The following ADK variants were observed in gnomAD, a reference collection of about 807,000 sequenced individuals.
ADK encodes the protein N6,N6-dimethyladenosine kinase.
In ADK, 24 loss-of-function variants were observed where a neutral mutation model predicts 44.7. The observed-to-expected ratio is 0.54, with a 90% CI of 0.39 to 0.76. ADK has a LOEUF of 0.76. Ranked by LOEUF, ADK falls within the 30% of genes least tolerant of loss-of-function variation. ADK has a pLI of 0.00. For missense variants in ADK, 321 were observed against 425.1 expected (o/e 0.76, Z 2.15); for synonymous variants, 128 against 142.6 (o/e 0.90, Z 0.73).
chr10:74,658,911 C>CAT (rs1261522790), intron 9 of ADK, among the ~76,000 whole-genome samples: 14 of 151,976 alleles, frequency 9.2e-5, no homozygotes, highest in Admixed American at 3.9e-4. Context: ...TATACACGTG[C>CAT]ATATATATAT....
chr10:74,355,489 C>T (rs1272723079), intron 4 of ADK, among the ~76,000 whole-genome samples: 1 of 151,898 alleles, frequency 6.6e-6, no homozygotes. Flanking sequence ...CGTTATAAGC[C>T]CTTTTGGGAT....
At chr10:74,489,137 T>C (rs1032554846) in intron 6 of ADK, among the ~76,000 whole-genome samples, 2 of 151,962 alleles carry the variant, frequency 1.3e-5, no homozygotes, top group African/African-American at 4.8e-5. Context: ...GTAGTGAAGA[T>C]GTTTTACTCA....
At chr10:74,195,803 A>G (rs535008255) in intron 1 of ADK, among the ~76,000 whole-genome samples, 7 of 137,256 alleles carry the variant, frequency 5.1e-5, no homozygotes, top group African/African-American at 1.9e-4. Flanking sequence ...CAGCTTCCCT[A>G]GTAACTGGGG....
chr10:74,476,906 G>A (rs976972614), intron 6 of ADK, among the ~76,000 whole-genome samples: 1 of 152,054 alleles, frequency 6.6e-6, no homozygotes, highest in African/African-American at 2.4e-5. Flanking sequence ...TAGACTAGTG[G>A]TTCTGGCTTT....
At chr10:74,426,795 A>G (rs570844703) in intron 6 of ADK, among the ~76,000 whole-genome samples, 1 of 151,786 alleles carries the variant, frequency 6.6e-6, no homozygotes, top group South Asian at 2.1e-4. Context: ...TTTTTTTCTT[A>G]TTTTTTTATT....
chr10:74,204,146 AG>A (rs1843505879), intron 2 of ADK, among the ~76,000 whole-genome samples: 3 of 151,780 alleles, frequency 2.0e-5, no homozygotes, highest in Admixed American at 1.3e-4. Context: ...TAGTAGAGAC[AG>A]GGTTTCACCA....
intron 2 of ADK, among the ~76,000 whole-genome samples, 193 bp downstream of exon 2, chr10:74,201,031 T>C (rs1309606640): frequency 6.6e-6 from 1 of 152,240 alleles, no homozygotes; most frequent in South Asian, 2.1e-4. Flanking sequence ...GGAAAACTTA[T>C]ATACATTGCT....
intron 2 of ADK, among the ~76,000 whole-genome samples, chr10:74,221,500 CA>C (rs1311228119): frequency 1.3e-5 from 2 of 152,060 alleles, no homozygotes; most frequent in Non-Finnish European, 2.9e-5. Flanking sequence ...TGAGTTTCTT[CA>C]CAGAATTGGA....
intron 9 of ADK, among the ~76,000 whole-genome samples, chr10:74,653,896 T>TA (rs921204279): frequency 1.1e-4 from 17 of 152,134 alleles, no homozygotes; most frequent in Non-Finnish European, 1.9e-4. Flanking sequence ...TATGCACTGT[T>TA]AAAAAAAATA....
chr10:74,457,459 G>A (rs1845996177), intron 6 of ADK, among the ~76,000 whole-genome samples: 1 of 152,226 alleles, frequency 6.6e-6, no homozygotes, highest in South Asian at 2.1e-4. Context: ...AAGACAGTGT[G>A]GCGATTCCTC....
intron 3 of ADK, among the ~76,000 whole-genome samples, chr10:74,294,006 C>G (rs1047787429): frequency 2.0e-5 from 3 of 152,216 alleles, no homozygotes; most frequent in Admixed American, 6.5e-5. Context: ...CTGTTTTAAA[C>G]TTTAAATATA....
At chr10:74,205,356 G>A (rs1843554370) in intron 2 of ADK, among the ~76,000 whole-genome samples, 1 of 152,050 alleles carries the variant, frequency 6.6e-6, no homozygotes, top group Admixed American at 6.6e-5. Flanking sequence ...AGTGTACCAG[G>A]AATGTAGAGC....
intron 3 of ADK, among the ~76,000 whole-genome samples, chr10:74,303,244 C>T (rs1840120956): frequency 6.6e-6 from 1 of 152,134 alleles, no homozygotes; most frequent in Non-Finnish European, 1.5e-5. Context: ...AAAACATACT[C>T]TTGTGCTTAT....
At chr10:74,699,324 G>GT (rs546893651) in intron 10 of ADK, among the ~76,000 whole-genome samples, 342 of 146,688 alleles carry the variant, frequency 2.3e-3, no homozygotes, top group African/African-American at 6.8e-3. Flanking sequence ...GTTATTGTTG[G>GT]TTTTTTTTTT....
intron 4 of ADK, among the ~76,000 whole-genome samples, chr10:74,315,066 A>G (rs1840569958): frequency 6.6e-6 from 1 of 151,984 alleles, no homozygotes; most frequent in African/African-American, 2.4e-5. Context: ...TTTTTATTTT[A>G]TAAGTTGAAA....
chr10:74,266,050 T>C (rs1846200792), intron 3 of ADK, among the ~76,000 whole-genome samples: 1 of 151,948 alleles, frequency 6.6e-6, no homozygotes. Context: ...AAGGATGATG[T>C]GTTGATGTGT....
intron 4 of ADK, among the ~76,000 whole-genome samples, chr10:74,354,048 T>C (rs1842055673): frequency 6.6e-6 from 1 of 152,146 alleles, no homozygotes. Flanking sequence ...TAAAACAGCA[T>C]TTAAAAACAA....
At chr10:74,159,924 A>T (rs1841845492) in intron 1 of ADK, among the ~76,000 whole-genome samples, 1 of 152,144 alleles carries the variant, frequency 6.6e-6, no homozygotes, top group African/African-American at 2.4e-5. Context: ...TCAATCTAGG[A>T]GTTCACCGCT....
chr10:74,385,458 C>T (rs1221318933), intron 4 of ADK, among the ~76,000 whole-genome samples: 1 of 152,030 alleles, frequency 6.6e-6, no homozygotes, highest in Non-Finnish European at 1.5e-5. Flanking sequence ...TGTAGGTAAC[C>T]TGGGAATCCA....
Sources: allele counts gnomAD v4.1 joint callset (sites outside exome capture counted in the v4.1 genomes callset), GRCh38; gene constraint gnomAD v4.1.1; transcripts MANE v1.5; gene names NCBI Gene and HGNC (gene_info 2026-07-23, HGNC 2026-07-21).